USH2A: variants seen among roughly 807,000 people sequenced by gnomAD.
USH2A encodes usherin.
A neutral mutation model predicts 538.9 loss-of-function variants in USH2A; 443 were observed. The ratio of observed to expected loss-of-function variants is 0.82; its 90% CI spans 0.76 to 0.89. The LOEUF (loss-of-function observed/expected upper bound fraction) is 0.89, where lower values mean the gene tolerates loss of function less well. USH2A is among the 40% of genes least tolerant of loss of function. USH2A has a pLI of 0.00. For missense variants in USH2A, 6,633 were observed against 6,324.8 expected (o/e 1.05, Z -1.65); for synonymous variants, 2,413 against 2,273.5 (o/e 1.06, Z -1.75).
chr1:216,358,479 A>T (rs1571737395), intron 4 of USH2A, among the ~76,000 whole-genome samples: 1 of 152,104 alleles, frequency 6.6e-6, no homozygotes, highest in Admixed American at 6.6e-5. Context: ...TTTTTTGATT[A>T]AAAAAAGGAG....
At chr1:215,843,150 A>G (rs1389973293) in intron 46 of USH2A, among the ~76,000 whole-genome samples, 4 of 152,266 alleles carry the variant, frequency 2.6e-5, no homozygotes, top group African/African-American at 2.4e-5. Context: ...GGAAAAGGAG[A>G]TGGAAACCTG....
intron 9 of USH2A, among the ~76,000 whole-genome samples, chr1:216,301,474 C>T (rs1388187390): frequency 1.3e-5 from 2 of 152,176 alleles, no homozygotes; most frequent in African/African-American, 4.8e-5. Flanking sequence ...CTTCTAATCT[C>T]CATGTTTATA....
chr1:216,397,202 G>T (rs2039226248), intron 3 of USH2A, among the ~76,000 whole-genome samples: 1 of 152,140 alleles, frequency 6.6e-6, no homozygotes, highest in South Asian at 2.1e-4. Context: ...AATTTCAATT[G>T]TAACAAAATA....
At chr1:215,896,076 A>T (rs539307401) in intron 40 of USH2A, among the ~76,000 whole-genome samples, 2 of 152,322 alleles carry the variant, frequency 1.3e-5, no homozygotes, top group South Asian at 4.1e-4. Context: ...ATATAACTGT[A>T]CTTAAAATAT....
chr1:216,373,214 A>C (rs916829861), intron 3 of USH2A, among the ~76,000 whole-genome samples: 15 of 152,202 alleles, frequency 9.9e-5, no homozygotes, highest in Non-Finnish European at 2.1e-4. Context: ...GGAATTTACA[A>C]TCTGTAATAG....
chr1:215,872,091 C>T (rs1215882384), intron 43 of USH2A, among the ~76,000 whole-genome samples: 2 of 152,226 alleles, frequency 1.3e-5, no homozygotes, highest in Admixed American at 6.5e-5. Context: ...GCTTCTTCCA[C>T]TAACTCTTCC....
intron 60 of USH2A, among the ~76,000 whole-genome samples, chr1:215,738,922 A>G (rs1186301306): frequency 6.6e-6 from 1 of 152,096 alleles, no homozygotes; most frequent in African/African-American, 2.4e-5. Context: ...AAAAAGAACT[A>G]TGTGTCTCCA....
intron 21 of USH2A, among the ~76,000 whole-genome samples, chr1:216,124,040 T>C (rs1332131234): frequency 6.6e-6 from 1 of 152,086 alleles, no homozygotes; most frequent in Non-Finnish European, 1.5e-5. Flanking sequence ...CACAGAAAGG[T>C]AAGACATCAA....
At chr1:215,937,339 T>G (rs1300097845) in intron 37 of USH2A, among the ~76,000 whole-genome samples, 1 of 152,166 alleles carries the variant, frequency 6.6e-6, no homozygotes, top group Non-Finnish European at 1.5e-5. Flanking sequence ...AATTTCATTA[T>G]GCACTAAAAA....
chr1:216,092,156 A>C (rs1452926285), intron 22 of USH2A, among the ~76,000 whole-genome samples: 1 of 152,200 alleles, frequency 6.6e-6, no homozygotes, highest in Non-Finnish European at 1.5e-5. Flanking sequence ...TCCTACCAAC[A>C]GTTATTGAGT....
chr1:215,765,186 C>G (rs1661092450), intron 56 of USH2A, among the ~76,000 whole-genome samples: 1 of 152,068 alleles, frequency 6.6e-6, no homozygotes, highest in Admixed American at 6.6e-5. Context: ...TCAGCCAAAT[C>G]TGGTTGATAG....
Position 215,671,219 on chromosome 1 carries a change from T to G in USH2A, c.13886A>C (p.Glu4629Ala). The change falls in exon 64 of 72, where the codon GAG becomes GCG. Residue 4629 changes from glutamate to alanine, a missense_variant. Physicochemically the swap from Glu to Ala is moderately radical, Grantham distance 107. Transcript: ENST00000307340. ...AGGGGGTTGCATCAAAGGTGCAATC[T>G]CAGGGGTCTGTATGAATGTCCAGTC... The part of the protein sequence containing the change: ...SSDWTFIQTP[E>A]IAPLMQPPPH... 6.2e-7 allele frequency: 1 copy of G among 1,614,170 alleles called. No homozygotes were observed. Among genetic ancestry groups the G allele is most frequent in the Non-Finnish European group, 8.5e-7 (1 of 1,180,014 alleles).
intron 21 of USH2A, among the ~76,000 whole-genome samples, chr1:216,154,870 A>G (rs1308231674): frequency 2.1e-5 from 3 of 140,034 alleles, no homozygotes; most frequent in Non-Finnish European, 4.6e-5. Context: ...GCTCTTGTGA[A>G]TGTAGGCGCA....
chr1:216,024,010 A>G (rs1208438864), intron 32 of USH2A, among the ~76,000 whole-genome samples: 1 of 152,146 alleles, frequency 6.6e-6, no homozygotes, highest in Non-Finnish European at 1.5e-5. Context: ...AGTTTCACTT[A>G]TAAAGGTGGT....
At chr1:215,905,049 AT>A (rs1665599253) in intron 38 of USH2A, among the ~76,000 whole-genome samples, 3 of 152,114 alleles carry the variant, frequency 2.0e-5, no homozygotes, top group Admixed American at 1.3e-4. Context: ...ACAAAACAAA[AT>A]AAAACAAACG....
intron 47 of USH2A, among the ~76,000 whole-genome samples, chr1:215,831,023 A>G (rs898390338): frequency 6.6e-6 from 1 of 152,174 alleles, no homozygotes; most frequent in Admixed American, 6.5e-5. Context: ...CAATCGAAAA[A>G]TCACCCAGAA....
At chr1:215,986,691 T>C (rs1667881806) in intron 35 of USH2A, among the ~76,000 whole-genome samples, 1 of 152,222 alleles carries the variant, frequency 6.6e-6, no homozygotes, top group African/African-American at 2.4e-5. Flanking sequence ...TTTGAAATCA[T>C]CCCACCTATA....
intron 26 of USH2A, among the ~76,000 whole-genome samples, chr1:216,080,566 T>C (rs1277965872): frequency 6.6e-6 from 1 of 151,940 alleles, no homozygotes; most frequent in East Asian, 1.9e-4. Context: ...GTAACCACTT[T>C]CAATGCACTT....
At chr1:216,175,069 CTTT>C in intron 21 of USH2A, 180 bp downstream of exon 21, 1 of 1,435,382 alleles carries the variant, frequency 7.0e-7, no homozygotes, top group Non-Finnish European at 9.1e-7. Context: ...ACTTACCTGA[CTTT>C]TTTCCCCAGA....
Sources: gnomAD v4.1 joint callset for allele counts (sites outside exome capture counted in the v4.1 genomes callset) on GRCh38, gnomAD v4.1.1 for gene constraint, MANE v1.5 for transcripts, NCBI Gene and HGNC (gene_info 2026-07-23, HGNC 2026-07-21) for gene names.